XIAP: variants seen among roughly 807,000 people sequenced by gnomAD.
XIAP encodes X-linked inhibitor of apoptosis.
Under a neutral mutation model 33.1 loss-of-function variants are expected in XIAP, and 3 were observed. The observed-to-expected ratio is 0.09, with a 90% CI of 0.04 to 0.23. The LOEUF is 0.23. Among genes scored for constraint, XIAP ranks in the 10% least tolerant of loss-of-function variants. The pLI is 1.00. For synonymous variants in XIAP, 98 were observed against 121.3 expected (o/e 0.81, Z 1.26); for missense variants, 264 against 363.0 (o/e 0.73, Z 2.22).
chrX:123,896,927 ATTTTTTT>A (rs55979065), intron 5 of XIAP, among the ~76,000 whole-genome samples: 6 of 75,277 alleles, frequency 8.0e-5, no homozygotes, highest in African/African-American at 3.0e-4. Context: ...AACGTCTTTA[ATTTTTTT>A]TTTTTTTTTT....
chrX:123,888,036 A>G (rs1056559185), intron 2 of XIAP, among the ~76,000 whole-genome samples: 19 of 109,847 alleles, frequency 1.7e-4, no homozygotes, highest in African/African-American at 4.9e-4. Flanking sequence ...ATAAATAAAT[A>G]AATGAAAATA....
intron 4 of XIAP, among the ~76,000 whole-genome samples, 175 bp downstream of exon 4, chrX:123,891,491 TAAAAAC>T (rs1002193010): frequency 2.7e-5 from 3 of 111,651 alleles, no homozygotes; most frequent in Admixed American, 1.9e-4. Flanking sequence ...AATTTTAAGT[TAAAAAC>T]AAAATAATAA....
intron 1 of XIAP, among the ~76,000 whole-genome samples, chrX:123,867,561 G>A (rs2053153621): frequency 9.2e-6 from 1 of 108,144 alleles, no homozygotes; most frequent in Non-Finnish European, 1.9e-5. Flanking sequence ...TTTAGTGGAG[G>A]CATGGTTTCC....
At chrX:123,880,260 A>G (rs950960513) in intron 1 of XIAP, among the ~76,000 whole-genome samples, 4 of 62,095 alleles carry the variant, frequency 6.4e-5, no homozygotes, top group Non-Finnish European at 9.4e-5. Flanking sequence ...TAAAAATACA[A>G]AATTGCCGGG....
intron 3 of XIAP, among the ~76,000 whole-genome samples, chrX:123,889,630 G>A (rs1254872005): frequency 9.2e-6 from 1 of 108,860 alleles, no homozygotes; most frequent in Non-Finnish European, 1.9e-5. Flanking sequence ...TGATTCTCCT[G>A]CCTCAGCCTC....
intron 1 of XIAP, among the ~76,000 whole-genome samples, chrX:123,864,880 C>G (rs1405096901): frequency 9.4e-6 from 1 of 106,452 alleles, no homozygotes; most frequent in East Asian, 2.9e-4. Context: ...GACAGGGTTT[C>G]ACCATGTTAG....
At chrX:123,901,543 A>G (rs1247128158) in intron 6 of XIAP, among the ~76,000 whole-genome samples, 2 of 112,237 alleles carry the variant, frequency 1.8e-5, no homozygotes, top group Non-Finnish European at 3.8e-5. Flanking sequence ...AAAGATGAGA[A>G]TTCTCCTACT....
intron 6 of XIAP, among the ~76,000 whole-genome samples, chrX:123,906,414 A>G (rs1290606478): frequency 1.8e-5 from 2 of 111,783 alleles, no homozygotes; most frequent in Non-Finnish European, 3.8e-5. Context: ...GCATCACCAT[A>G]TCCTTGTCAG....
Position 123,910,286 on chromosome X carries a change from G to C in XIAP, c.*3105G>C. ...TAAGGTAGGGTAGAGTGGGTGTAGT[G>C]AGTGTATATAATGTGATTTGGCCCT... On this transcript the variant is annotated 3_prime_UTR_variant, in exon 7 of 7. Transcript: ENST00000371199. 1 of 329,438 alleles carries C rather than the reference G, an allele frequency of 3.0e-6. No homozygotes were observed. Among genetic ancestry groups the C allele is most frequent in the South Asian group, 2.6e-5 (1 of 38,460 alleles). 27.1% of individuals were successfully genotyped at this position (329,438 alleles called of 1,213,427 possible).
chrX:123,887,253 A>G (rs1194371659), intron 2 of XIAP, among the ~76,000 whole-genome samples: 1 of 110,274 alleles, frequency 9.1e-6, no homozygotes, highest in African/African-American at 3.3e-5. Flanking sequence ...GGGTTTCACC[A>G]TGGCCAGGCT....
Position 123,907,413 on chromosome X carries a change from C to G in XIAP, c.*232C>G. The G allele has an allele frequency of 2.1e-6, 1 of 468,862 alleles. No homozygotes were observed. The highest frequency in any genetic ancestry group is 3.8e-6 in the Non-Finnish European group (1 of 263,304). The allele number at this position is 468,862 out of a possible 1,213,427, so 38.6% of individuals were successfully genotyped here. On this transcript the variant is annotated 3_prime_UTR_variant, in exon 7 of 7. Transcript: ENST00000371199. ...ACTGTTATTTAATTGAAACCATAGA[C>G]TAAGAATAAGAAGCATCATACTATA... is the stretch of plus-strand genomic sequence containing the variant.
In XIAP at chrX:123,860,197, A is replaced by G. The variant is rs2053065067; in HGVS notation, c.-129A>G. On this transcript the variant is annotated 5_prime_UTR_variant, in exon 1 of 7. Coordinates refer to ENST00000371199, the MANE Select transcript of XIAP (RefSeq NM_001167.4). ...GGCCAAGCCGCAGAGCGGAGTTGGCATTTCCAGATTGGGGCTCGGGCCGCG... is the reference window on the plus strand; with the variant it reads ...GGCCAAGCCGCAGAGCGGAGTTGGCGTTTCCAGATTGGGGCTCGGGCCGCG... The G allele has an allele frequency of 3.0e-6, 1 of 328,477 alleles. No individual in the cohort carries two copies. The highest frequency in any genetic ancestry group is 5.9e-6 in the Non-Finnish European group (1 of 169,707). The allele number at this position is 328,477 out of a possible 1,213,427, so 27.1% of individuals were successfully genotyped here. A position where few individuals can be genotyped will look rare whatever the true frequency, so the allele number is the denominator to read the frequency against.
chrX:123,860,375 A>G, intron 1 of XIAP, 82 bp downstream of exon 1: 1 of 302,096 alleles, frequency 3.3e-6, no homozygotes, highest in Non-Finnish European at 6.5e-6. Context: ...TTTCCCCTCC[A>G]CTTCCCTCGG....
At chrX:123,888,307 T>C (rs2053372987) in intron 2 of XIAP, among the ~76,000 whole-genome samples, 1 of 112,260 alleles carries the variant, frequency 8.9e-6, no homozygotes, top group Non-Finnish European at 1.9e-5. Flanking sequence ...TGCACTCCGG[T>C]CTGGGGAACA....
intron 1 of XIAP, among the ~76,000 whole-genome samples, chrX:123,865,764 ATTTG>A (rs943421006): frequency 9.1e-6 from 1 of 110,352 alleles, no homozygotes; most frequent in African/African-American, 3.3e-5. Context: ...TATTTTATTT[ATTTG>A]TTTTTGAGAC....
At chrX:123,884,185 T>G (rs747600643) in intron 1 of XIAP, among the ~76,000 whole-genome samples, 14 of 111,932 alleles carry the variant, frequency 1.3e-4, no homozygotes, top group Middle Eastern at 4.7e-3. Flanking sequence ...CTAATTCTTC[T>G]CAAGAAATCA....
chrX:123,893,741 C>T (rs748334871), intron 5 of XIAP, among the ~76,000 whole-genome samples: 5 of 110,793 alleles, frequency 4.5e-5, no homozygotes, highest in Admixed American at 9.7e-5. Context: ...CTCGGGAGGC[C>T]GAGGCGGGAG....
intron 5 of XIAP, among the ~76,000 whole-genome samples, chrX:123,898,729 C>G (rs1367412518): frequency 1.9e-5 from 2 of 107,442 alleles, no homozygotes; most frequent in African/African-American, 6.7e-5. Flanking sequence ...CTCCAGGCCT[C>G]AAGGAATCCC....
intron 2 of XIAP, among the ~76,000 whole-genome samples, chrX:123,887,996 ATAATAAT>A (rs202181847): frequency 3.1e-5 from 3 of 96,515 alleles, no homozygotes; most frequent in Admixed American, 1.1e-4. Context: ...GAAAAAAATA[ATAATAAT>A]TAATAAATAA....
Sources: gnomAD v4.1 joint callset for allele counts (sites outside exome capture counted in the v4.1 genomes callset) on GRCh38, gnomAD v4.1.1 for gene constraint, MANE v1.5 for transcripts, NCBI Gene and HGNC (gene_info 2026-07-23, HGNC 2026-07-21) for gene names.